Variants in ZDHHC24 observed in about 807,000 individuals in gnomAD.
ZDHHC24 encodes the protein probable palmitoyltransferase ZDHHC24.
Under a neutral mutation model 23.2 loss-of-function variants are expected in ZDHHC24, and 17 were observed. The observed-to-expected ratio is 0.73, with a 90% CI of 0.50 to 1.10. The LOEUF (loss-of-function observed/expected upper bound fraction) is 1.10, where lower values mean the gene tolerates loss of function less well. Ranked by LOEUF, ZDHHC24 falls within the 50% of genes least tolerant of loss-of-function variation. ZDHHC24 has a pLI of 0.00. For missense variants in ZDHHC24, 366 were observed against 393.0 expected (o/e 0.93, Z 0.58); for synonymous variants, 186 against 194.5 (o/e 0.96, Z 0.36).
intron 3 of ZDHHC24, chr11:66,527,206 T>G: frequency 1.9e-6 from 1 of 518,366 alleles, no homozygotes; most frequent in Non-Finnish European, 3.4e-6. Context: ...TACTTCTTTC[T>G]CAAAAAAAAA....
chr11:66,531,605 C>T, downstream of ZDHHC24: 1 of 1,613,058 alleles, frequency 6.2e-7, no homozygotes, highest in Non-Finnish European at 8.5e-7. Flanking sequence ...TGGAATATGC[C>T]AAACACTGGC....
intron 4 of ZDHHC24, chr11:66,526,071 T>G: frequency 1.3e-6 from 2 of 1,574,546 alleles, no homozygotes; most frequent in Middle Eastern, 3.3e-4. Context: ...TCCCCTGTCT[T>G]GCTTTCCTCT....
chr11:66,525,524 A>G (rs1565287132), intron 4 of ZDHHC24, among the ~76,000 whole-genome samples: 1 of 152,286 alleles, frequency 6.6e-6, no homozygotes, highest in East Asian at 1.9e-4. Flanking sequence ...AGATCACACC[A>G]CTGCACTCCA....
chr11:66,530,014 C>T, intron 2 of ZDHHC24: 2 of 1,551,022 alleles, frequency 1.3e-6, no homozygotes, highest in Non-Finnish European at 1.7e-6. Context: ...TGCGCAGGAA[C>T]CCCTCTGCCA....
At chr11:66,532,381 C>G (rs1011396518), downstream of ZDHHC24, 2 of 306,976 alleles carry the variant, frequency 6.5e-6, no homozygotes, top group Admixed American at 8.6e-5. Flanking sequence ...CCTTTCTCCA[C>G]TGCCACGTCC....
intron 2 of ZDHHC24, among the ~76,000 whole-genome samples, chr11:66,543,455 C>G (rs564396158): frequency 6.6e-6 from 1 of 152,328 alleles, no homozygotes; most frequent in South Asian, 2.1e-4. Context: ...GAGACTCCCA[C>G]GAGTCTTTCT....
chr11:66,529,218 C>T, intron 3 of ZDHHC24: 1 of 1,484,330 alleles, frequency 6.7e-7, no homozygotes, highest in Non-Finnish European at 8.9e-7. Context: ...CTGGAGGTGG[C>T]TTGGGGAAGA....
At chr11:66,524,898 TAAAC>T (rs1856415612) in intron 4 of ZDHHC24, among the ~76,000 whole-genome samples, 1 of 151,438 alleles carries the variant, frequency 6.6e-6, no homozygotes, top group South Asian at 2.1e-4. Flanking sequence ...CTACTAAAAA[TAAAC>T]AAATTAGCCG....
At chr11:66,523,910 TCA>T in intron 4 of ZDHHC24, 21 of 1,610,628 alleles carry the variant, frequency 1.3e-5, no homozygotes, top group Non-Finnish European at 1.8e-5. Context: ...CATCTGCCAC[TCA>T]CTCCTCCTTG....
chr11:66,530,829 C>T (rs900036499), downstream of ZDHHC24: 29 of 1,607,268 alleles, frequency 1.8e-5, no homozygotes, highest in South Asian at 8.8e-5. Context: ...GCAGGCAGAG[C>T]ACACTGTACT....
At chr11:66,540,427 CAAA>C (rs1184182591) in intron 2 of ZDHHC24, among the ~76,000 whole-genome samples, 3 of 52,556 alleles carry the variant, frequency 5.7e-5, no homozygotes, top group Non-Finnish European at 7.1e-5. Context: ...ACTCCCATCT[CAAA>C]AAAAAAAAAA....
chr11:66,532,707 C>T (rs372377384), downstream of ZDHHC24: 1 of 152,932 alleles, frequency 6.5e-6, no homozygotes, highest in African/African-American at 2.4e-5. Flanking sequence ...CAGAGGGTGC[C>T]CCGCAGGGAG....
At chr11:66,541,544 G>A (rs1857151386) in intron 2 of ZDHHC24, among the ~76,000 whole-genome samples, 1 of 152,142 alleles carries the variant, frequency 6.6e-6, no homozygotes, top group Admixed American at 6.5e-5. Context: ...AGTAGGGGGT[G>A]CAAGGCAACC....
At chr11:66,529,553 TA>T in intron 2 of ZDHHC24, 2 of 703,274 alleles carry the variant, frequency 2.8e-6, no homozygotes, top group Non-Finnish European at 5.1e-6. Flanking sequence ...CACCAGCCTC[TA>T]GGGCCGGACA....
At chr11:66,531,683 T>C (rs1284173875), downstream of ZDHHC24, 1 of 1,614,116 alleles carries the variant, frequency 6.2e-7, no homozygotes, top group Non-Finnish European at 8.5e-7. Context: ...AGGGCTCAAC[T>C]ACCCCCTGGA....
intron 2 of ZDHHC24, among the ~76,000 whole-genome samples, chr11:66,540,937 G>A (rs1228366624): frequency 6.6e-6 from 1 of 152,180 alleles, no homozygotes; most frequent in Non-Finnish European, 1.5e-5. Flanking sequence ...AGTCCACAGA[G>A]ACAGAAAGAT....
chr11:66,524,105 C>T (rs1565286367), intron 4 of ZDHHC24: 3 of 600,198 alleles, frequency 5.0e-6, no homozygotes, highest in Non-Finnish European at 8.9e-6. Flanking sequence ...CATGGCATAA[C>T]CCCCTTGCTA....
In ZDHHC24 at chr11:66,524,258, C is replaced by A. The variant is rs185423446; in HGVS notation, c.*21+2678G>T. The stretch of plus-strand genomic sequence containing the variant: ...TCAAACCATGGCACTTCAGCCTGGA[C>A]AACAGAGCGAGACTCCATCTTAAAA... On this transcript the variant is annotated intron_variant, in intron 4 of 4. Transcript: ENST00000526986. 2.0e-4 allele frequency: 67 copies of A among 339,364 alleles called. 1 individual carries two copies. In the East Asian group the frequency reaches 4.6e-3, roughly 23 times the overall value. The allele number at this position is 339,364 out of a possible 1,614,324, so 21.0% of individuals were successfully genotyped here.
chr11:66,539,404 G>C lies in ZDHHC24; in HGVS notation c.*125C>G. The C allele has an allele frequency of 7.2e-7, 1 of 1,383,748 alleles. No homozygotes were observed. Among genetic ancestry groups the C allele is most frequent in the Non-Finnish European group, 9.3e-7 (1 of 1,071,682 alleles). 85.7% of individuals were successfully genotyped at this position (1,383,748 alleles called of 1,614,324 possible). On this transcript the variant is annotated 3_prime_UTR_variant, in exon 3 of 3. Coordinates refer to ENST00000310442, the MANE Select transcript of ZDHHC24 (RefSeq NM_207340.3). Reference sequence around the variant, plus strand: ...AGGAGTGTAGGCGGGCAGGGGCAAGGCCAAGGAAGGGGTGGAGTTGTCCAA... The same window carrying C: ...AGGAGTGTAGGCGGGCAGGGGCAAGCCCAAGGAAGGGGTGGAGTTGTCCAA...
Sources: allele counts gnomAD v4.1 joint callset (sites outside exome capture counted in the v4.1 genomes callset), GRCh38; gene constraint gnomAD v4.1.1; transcripts MANE v1.5; gene names NCBI Gene and HGNC (gene_info 2026-07-23, HGNC 2026-07-21).